The following NAV2 variants were observed in gnomAD, a reference collection of about 807,000 sequenced individuals.
NAV2 encodes helicase, APC down-regulated 1.
In NAV2, 54 loss-of-function variants were observed where a neutral mutation model predicts 223.2. That is an observed-to-expected ratio of 0.24 (90% CI 0.19 to 0.30). The LOEUF (loss-of-function observed/expected upper bound fraction) is 0.30. Among genes scored for constraint, NAV2 ranks in the 10% least tolerant of loss-of-function variants. The pLI is 1.00. For synonymous variants in NAV2, 1,279 were observed against 1,239.3 expected (o/e 1.03, Z -0.67); for missense variants, 2,806 against 3,147.5 (o/e 0.89, Z 2.60).
intron 1 of NAV2, among the ~76,000 whole-genome samples, chr11:19,668,143 G>A (rs1458902008): frequency 6.6e-6 from 1 of 152,202 alleles, no homozygotes; most frequent in African/African-American, 2.4e-5. Flanking sequence ...AGCAGGCAGA[G>A]CAGGGAGGGA....
At chr11:20,005,168 G>A (rs560319815) in intron 11 of NAV2, among the ~76,000 whole-genome samples, 1 of 151,760 alleles carries the variant, frequency 6.6e-6, no homozygotes, top group African/African-American at 2.4e-5. Context: ...AGAAGAAACT[G>A]CCACACGATA....
rs141063197 is a variant in NAV2 at position 19,933,725 on chromosome 11, G to A, written c.1481G>A (p.Arg494Gln). 8.9e-5 allele frequency: 144 copies of A among 1,614,208 alleles called. No individual in the cohort carries two copies. Among genetic ancestry groups the A allele is most frequent in the Non-Finnish European group, 1.0e-4 (122 of 1,180,040 alleles). Residue 494 changes from arginine to glutamine, a missense_variant, in exon 7 of 38, where the codon CGG becomes CAG. Transcript: ENST00000349880. This position sits in a 1 kb window ranked among gnomAD's most constrained non-coding sequence, Gnocchi z 4.3. ...GAGAAAGAGAAGGAGAAACAACAGC[G>A]GGAGAAGGATAAGGAGAAAAGCAAG... ...GNEKEKEKQQ[R>Q]EKDKEKSKDL...
Position 20,062,312 on chromosome 11 carries a change from G to A in NAV2, c.4837G>A (p.Gly1613Arg), listed in dbSNP as rs1487608306. 6.2e-7 allele frequency: 1 copy of A among 1,608,516 alleles called. No homozygotes were observed. The highest frequency in any genetic ancestry group is 1.1e-5 in the South Asian group (1 of 90,722). ...SFRDGFEEVH[G>R]SSLSLVSSTS... ...TTTTTTTTTTCTTTTAATAGTTCAT[G>A]GATCCTCACTCTCCTTGGTTTCCAG... is the stretch of plus-strand genomic sequence containing the variant. Residue 1613 changes from glycine (G) to arginine (R), a missense_variant, in exon 20 of 38, where the codon GGA becomes AGA. Gly to Arg is a moderately radical substitution (Grantham distance 125, BLOSUM62 -2). This residue lies in a region of NAV2 where 824 missense variants were observed against 1,069.4 expected (regional missense o/e 0.77). Transcript: ENST00000349880.
At chr11:19,565,610 A>G (rs1260904553) in intron 1 of NAV2, among the ~76,000 whole-genome samples, 4 of 152,166 alleles carry the variant, frequency 2.6e-5, no homozygotes, top group Admixed American at 2.6e-4. Context: ...AATAAGCTCA[A>G]ATTTCATTGA....
At chr11:19,396,880 A>G (rs1413855515) in intron 1 of NAV2, among the ~76,000 whole-genome samples, 1 of 152,212 alleles carries the variant, frequency 6.6e-6, no homozygotes, top group Non-Finnish European at 1.5e-5. Context: ...GGCATCCTTC[A>G]TGACTGCTAC....
rs1033798165 is a variant in NAV2, at chr11:19,447,747, C to T, written c.75+96720C>T. On this transcript the variant is annotated intron_variant, in intron 1 of 37. Coordinates refer to the NAV2 transcript ENST00000360655. ...AGTCACAGAAGGTCCCTTTCTGGACCGGGTAGAACTGGGTTGACTTGTAAG... is the reference window on the plus strand; with the variant it reads ...AGTCACAGAAGGTCCCTTTCTGGACTGGGTAGAACTGGGTTGACTTGTAAG... Among the ~76,000 whole-genome samples, 13 of 152,286 alleles carry T rather than the reference C, an allele frequency of 8.5e-5. No individual in the cohort carries two copies. In the East Asian group the frequency reaches 1.4e-3, roughly 16 times the overall value.
At chr11:19,750,814 A>G (rs1291452642) in intron 1 of NAV2, among the ~76,000 whole-genome samples, 1 of 152,202 alleles carries the variant, frequency 6.6e-6, no homozygotes, top group African/African-American at 2.4e-5. Flanking sequence ...CCACACAGGA[A>G]TTCAGGATCC....
intron 1 of NAV2, among the ~76,000 whole-genome samples, chr11:19,471,533 C>T (rs1270114340): frequency 6.6e-6 from 1 of 152,130 alleles, no homozygotes; most frequent in Admixed American, 6.5e-5. Flanking sequence ...CTATTACCAT[C>T]ACAATCTTAC....
rs188926307 is a variant in NAV2, at chr11:19,899,462, A to T, written c.931+6868A>T. On this transcript the variant is annotated intron_variant, in intron 6 of 37. Transcript: ENST00000349880. ...TAGATGAAATTAATTCAGTCATCCA[A>T]GTCATGCAGACAAAAGTACAGTTGG... Among the ~76,000 whole-genome samples the T allele has an allele frequency of 5.9e-5, 9 of 152,332 alleles. No homozygotes were observed. In the East Asian group the frequency reaches 1.7e-3, roughly 29 times the overall value.
intron 4 of NAV2, among the ~76,000 whole-genome samples, chr11:19,873,186 C>T (rs2062630756): frequency 1.3e-5 from 2 of 152,176 alleles, no homozygotes; most frequent in African/African-American, 2.4e-5. Context: ...GTATGCCAGG[C>T]CCAGTGCTAG....
chr11:19,434,571 T>C (rs11602549), intron 1 of NAV2, among the ~76,000 whole-genome samples: 31,738 of 152,164 alleles, frequency 0.21, 3,576 homozygotes, highest in Middle Eastern at 0.31. Context: ...CTACCAAGAA[T>C]GAATACACAG....
At chr11:20,038,600 C>T (rs1190621311) in intron 12 of NAV2, among the ~76,000 whole-genome samples, 1 of 152,174 alleles carries the variant, frequency 6.6e-6, no homozygotes, top group African/African-American at 2.4e-5. Flanking sequence ...CCTGTCTGAG[C>T]GGCATCAGGC....
At chr11:19,613,545 A>G (rs1235117552) in intron 1 of NAV2, among the ~76,000 whole-genome samples, 2 of 151,948 alleles carry the variant, frequency 1.3e-5, no homozygotes, top group Admixed American at 1.3e-4. Flanking sequence ...TGTTGAAATG[A>G]TGTCTTGATG....
rs748114378 is a variant in NAV2 at position 19,933,619 on chromosome 11, C to G, written c.1375C>G (p.Pro459Ala). The G allele has an allele frequency of 6.2e-7, 1 of 1,614,104 alleles. No homozygotes were observed. The highest frequency in any genetic ancestry group is 1.7e-5 in the Admixed American group (1 of 60,026). The change falls in exon 7 of 38, where the codon CCC (proline) becomes GCC (alanine). Residue 459 changes from proline to alanine, a missense_variant. Transcript: ENST00000349880. The surrounding 1 kb of genome is among the most constrained non-coding windows in gnomAD (Gnocchi z 4.3). Reference sequence around the variant, plus strand: ...CACCGTGGGCCCTGCTTCCAGCAGCCCCAAGATTGCACTCAAGGGCATTGC... The same window carrying G: ...CACCGTGGGCCCTGCTTCCAGCAGCGCCAAGATTGCACTCAAGGGCATTGC... ...LTTVGPASSSPKIALKGIAQR... is the reference protein window; with the variant it reads ...LTTVGPASSSAKIALKGIAQR...
At chr11:19,743,324 A>G (rs1476809712) in intron 1 of NAV2, among the ~76,000 whole-genome samples, 1 of 152,230 alleles carries the variant, frequency 6.6e-6, no homozygotes, top group Non-Finnish European at 1.5e-5. Context: ...CTGGCCTAGC[A>G]TAACCAACCA....
intron 7 of NAV2, among the ~76,000 whole-genome samples, chr11:19,937,165 G>A (rs569861884): frequency 6.6e-6 from 1 of 152,198 alleles, no homozygotes; most frequent in Admixed American, 6.5e-5. Flanking sequence ...AGCCAAGTCT[G>A]TCTAACTAGT....
chr11:19,797,798 C>G (rs2058013337), intron 1 of NAV2, among the ~76,000 whole-genome samples: 1 of 152,150 alleles, frequency 6.6e-6, no homozygotes, highest in Non-Finnish European at 1.5e-5. Context: ...GTTTTCCCTT[C>G]TGTACAGGAG....
rs1408162756 is a variant in NAV2 at position 19,746,692 on chromosome 11, C to G, written c.267+32730C>G. Among the ~76,000 whole-genome samples, 5 of 151,992 alleles carry G rather than the reference C, an allele frequency of 3.3e-5. 1 individual carries two copies. In the East Asian group the frequency reaches 9.7e-4, roughly 29 times the overall value. On this transcript the variant is annotated intron_variant, in intron 1 of 37. Transcript: ENST00000349880. ...CTTCTAACCCCTTTGCCACATGCCC[C>G]CATGTTCTCTTTTTGAATCTTGCTC...
intron 1 of NAV2, among the ~76,000 whole-genome samples, chr11:19,648,538 TGA>T (rs1219300892): frequency 1.3e-5 from 2 of 152,212 alleles, no homozygotes; most frequent in Non-Finnish European, 2.9e-5. Context: ...CCAAGGGTCA[TGA>T]GTCTCAGAAG....
Sources: gnomAD v4.1 joint callset for allele counts (sites outside exome capture counted in the v4.1 genomes callset) on GRCh38, gnomAD v4.1.1 for gene constraint, gnomAD v4.1.1 regional missense constraint, Gnocchi (gnomAD v3.1) non-coding constraint, MANE v1.5 for transcripts, NCBI Gene and HGNC (gene_info 2026-07-23, HGNC 2026-07-21) for gene names.